Variants in SLC6A3 observed in about 807,000 individuals in gnomAD.
SLC6A3 encodes solute carrier family 6 member 3, also known as sodium-dependent dopamine transporter.
In SLC6A3, 19 loss-of-function variants were observed where a neutral mutation model predicts 70.4. The observed-to-expected ratio is 0.27, with a 90% CI of 0.19 to 0.40. SLC6A3 has a LOEUF of 0.40. Ranked by LOEUF, SLC6A3 falls within the 10% of genes least tolerant of loss-of-function variation. The pLI is 1.00. For synonymous variants in SLC6A3, 368 were observed against 356.6 expected (o/e 1.03, Z -0.36); for missense variants, 613 against 838.5 (o/e 0.73, Z 3.32).
Position 1,437,680 on chromosome 5 carries a change from A to T in SLC6A3, c.418+3679T>A, listed in dbSNP as rs916985880. 5.9e-5 allele frequency among the ~76,000 whole-genome samples: 9 copies of T among 152,268 alleles called. No individual in the cohort carries two copies. The South Asian group carries it at 8.3e-4, about 14-fold the overall frequency. On this transcript the variant is annotated intron_variant, in intron 3 of 14. Transcript: ENST00000270349. This position sits in a 1 kb window ranked among gnomAD's most constrained non-coding sequence, Gnocchi z 4.8. ...CCATGAACTCCGCCCTCTGGCTTTC[A>T]AGGGTGGATCTTGGCTCCCAGTTAG...
intron 4 of SLC6A3, among the ~76,000 whole-genome samples, chr5:1,424,126 CA>C (rs1253095337): frequency 6.6e-6 from 1 of 152,238 alleles, no homozygotes; most frequent in Non-Finnish European, 1.5e-5. Flanking sequence ...GCAGAGGCCC[CA>C]GGTTGGCACA....
intron 3 of SLC6A3, among the ~76,000 whole-genome samples, chr5:1,434,148 A>G (rs191016272): frequency 5.1e-4 from 78 of 152,370 alleles, no homozygotes; most frequent in Admixed American, 4.7e-3. Context: ...GAGCCATCCA[A>G]GGTCACACTA....
Position 1,403,071 on chromosome 5 carries a change from T to A in SLC6A3, c.1618A>T (p.Ile540Phe), listed in dbSNP as rs1293913327. ...TAGTGGGGGGGTCTGAAGGTCACAA[T>A]GCTGACCACGACCACGAACTGCAAC... ...CFLLFVVVVS[I>F]VTFRPPHYGA... is the part of the protein sequence containing the mutation. The change falls in exon 13 of 15, where the codon ATT (isoleucine) becomes TTT (phenylalanine). Residue 540 changes from isoleucine (I) to phenylalanine (F), a missense_variant. Physicochemically the swap from Ile to Phe is conservative, Grantham distance 21. Transcript: ENST00000270349. 1 of 1,613,598 alleles carries A rather than the reference T, an allele frequency of 6.2e-7. No individual in the cohort carries two copies. The highest frequency in any genetic ancestry group is 1.7e-5 in the Admixed American group (1 of 59,996).
chr5:1,441,926 C>G (rs1014418720), intron 2 of SLC6A3, among the ~76,000 whole-genome samples: 3 of 152,170 alleles, frequency 2.0e-5, no homozygotes, highest in Non-Finnish European at 4.4e-5. Flanking sequence ...CCGTCCTGTC[C>G]CCAGCTTCTG....
At chr5:1,426,516 T>C (rs1022702871) in intron 4 of SLC6A3, among the ~76,000 whole-genome samples, 2 of 152,274 alleles carry the variant, frequency 1.3e-5, no homozygotes, top group Admixed American at 6.5e-5. Context: ...CACTCCAGCC[T>C]GGACAACAGA....
In SLC6A3 at chr5:1,394,896, G is replaced by A; in HGVS notation, c.1840-138C>T. 2 of 888,372 alleles carry A rather than the reference G, an allele frequency of 2.3e-6. No individual in the cohort carries two copies. The highest frequency in any genetic ancestry group is 2.4e-5 in the East Asian group (1 of 41,288). 55.0% of individuals were successfully genotyped at this position (888,372 alleles called of 1,614,324 possible). ...GCCATGTGCCCTGGGAGAAGGGGAG[G>A]CTCACTGGGGGCCTGGACCAACACA... On this transcript the variant is annotated intron_variant, in intron 14 of 14. Transcript: ENST00000270349. This position sits in a 1 kb window ranked among gnomAD's most constrained non-coding sequence, Gnocchi z 4.7.
At position 1,442,015 on chromosome 5, in the gene SLC6A3, G is replaced by A. The variant is rs1294522027; in HGVS notation, c.287-525C>T. On this transcript the variant is annotated intron_variant, in intron 2 of 14. Transcript: ENST00000270349. This position sits in a 1 kb window ranked among gnomAD's most constrained non-coding sequence, Gnocchi z 5.0. ...GGTGCTGGGAGCCCCTCCAGGGTAAGGCCTAGTTCCTCTGAAACCTGCACC... is the reference window on the plus strand; with the variant it reads ...GGTGCTGGGAGCCCCTCCAGGGTAAAGCCTAGTTCCTCTGAAACCTGCACC... Among the ~76,000 whole-genome samples the A allele has an allele frequency of 6.6e-6, 1 of 152,132 alleles. No homozygotes were observed. Among genetic ancestry groups the A allele is most frequent in the Non-Finnish European group, 1.5e-5 (1 of 68,008 alleles).
rs1207725844 is a variant in SLC6A3, at chr5:1,421,666, C to T, written c.792+210G>A. Among the ~76,000 whole-genome samples, 3 of 151,988 alleles carry T rather than the reference C, an allele frequency of 2.0e-5. No individual in the cohort carries two copies. Among genetic ancestry groups the T allele is most frequent in the Non-Finnish European group, 4.4e-5 (3 of 67,992 alleles). On this transcript the variant is annotated intron_variant, in intron 5 of 14. Transcript: ENST00000270349. This position sits in a 1 kb window ranked among gnomAD's most constrained non-coding sequence, Gnocchi z 7.2. Reference sequence around the variant, plus strand: ...GCACAGCCACAGGTGTACCCTCAATCATGGCCACGTGTACACTCCCAACCT... The same window carrying T: ...GCACAGCCACAGGTGTACCCTCAATTATGGCCACGTGTACACTCCCAACCT...
rs1251831930 is a variant in SLC6A3, at chr5:1,402,222, G to T, written c.1767+700C>A. Among the ~76,000 whole-genome samples, 1 of 151,860 alleles carries T rather than the reference G, an allele frequency of 6.6e-6. No homozygotes were observed. Among genetic ancestry groups the T allele is most frequent in the Admixed American group, 6.6e-5 (1 of 15,264 alleles). ...CCCAGTGGTGGGATCTCAGGTGAGG[G>T]CGACCCTCTTCCAAGGAGGGAGTGT... On this transcript the variant is annotated intron_variant, in intron 13 of 14. Transcript: ENST00000270349. This position sits in a 1 kb window ranked among gnomAD's most constrained non-coding sequence, Gnocchi z 8.5.
At position 1,411,769 on chromosome 5, in the gene SLC6A3, C is replaced by T. The variant is rs1428754903; in HGVS notation, c.1157-414G>A. 1.4e-5 allele frequency among the ~76,000 whole-genome samples: 2 copies of T among 148,066 alleles called. No individual in the cohort carries two copies. The highest frequency in any genetic ancestry group is 3.0e-5 in the Non-Finnish European group (2 of 67,348). On this transcript the variant is annotated intron_variant, in intron 8 of 14. Transcript: ENST00000270349. The surrounding 1 kb of genome is among the most constrained non-coding windows in gnomAD (Gnocchi z 6.5). ...ATACCATGCAACATACACACTCAGA[C>T]ACACATACCATGCAACATACACACT...
chr5:1,410,509 A>G (rs1311409578), intron 9 of SLC6A3, among the ~76,000 whole-genome samples: 1 of 151,912 alleles, frequency 6.6e-6, no homozygotes, highest in Non-Finnish European at 1.5e-5. Context: ...CTGACAGGGA[A>G]GAAGGAGCCT....
chr5:1,393,717 C>T lies in SLC6A3; in HGVS notation c.*1018G>A, dbSNP rs1417750936. ...CACGCTCCTGTGGGGGCCCTGCATG[C>T]GTCCGGTCCGGGGATAGGACACGCT... On this transcript the variant is annotated 3_prime_UTR_variant, in exon 15 of 15. Coordinates refer to ENST00000270349, the MANE Select transcript of SLC6A3 (RefSeq NM_001044.5). 1.6e-5 allele frequency: 2 copies of T among 126,962 alleles called. No individual in the cohort carries two copies. Among genetic ancestry groups the T allele is most frequent in the East Asian group, 2.4e-4 (1 of 4,246 alleles). The allele number at this position is 126,962 out of a possible 1,614,324, so 7.9% of individuals were successfully genotyped here. A position where few individuals can be genotyped will look rare whatever the true frequency, so the allele number is the denominator to read the frequency against.
intron 6 of SLC6A3, among the ~76,000 whole-genome samples, chr5:1,418,726 T>C (rs372340545): frequency 6.6e-6 from 1 of 150,612 alleles, no homozygotes; most frequent in East Asian, 2.0e-4. Context: ...CATCCATCCA[T>C]CCACCCACCC....
At chr5:1,444,361 G>A (rs941542765) in intron 1 of SLC6A3, among the ~76,000 whole-genome samples, 3 of 151,138 alleles carry the variant, frequency 2.0e-5, no homozygotes, top group African/African-American at 7.4e-5. Context: ...CGCACACACA[G>A]ACACACAGAC....
Position 1,438,005 on chromosome 5 carries a change from A to T in SLC6A3, c.418+3354T>A, listed in dbSNP as rs1481109554. Among the ~76,000 whole-genome samples, 6 of 152,228 alleles carry T rather than the reference A, an allele frequency of 3.9e-5. No individual in the cohort carries two copies. The highest frequency in any genetic ancestry group is 8.8e-5 in the Non-Finnish European group (6 of 68,042). On this transcript the variant is annotated intron_variant, in intron 3 of 14. Transcript: ENST00000270349. This position sits in a 1 kb window ranked among gnomAD's most constrained non-coding sequence, Gnocchi z 6.5. ...TACATCTGATTTCATAAGCAATGTC[A>T]GTCTCCTCTAAACTGGCATCCTGCG...
In SLC6A3 at chr5:1,443,020, G is replaced by C; in HGVS notation, c.178C>G (p.Arg60Gly). Reference protein sequence around the residue: ...PRQSPVEAQDRETWGKKIDFL... With the variant: ...PRQSPVEAQDGETWGKKIDFL... ...TCGATCTTCTTGCCCCAGGTCTCCC[G>C]ATCCTGGGCCTCCACGGGGCTCTGC... is the stretch of plus-strand genomic sequence containing the variant. The change falls in exon 2 of 15, where the codon CGG (arginine) becomes GGG (glycine). Residue 60 changes from arginine (R) to glycine (G), a missense_variant. Arg to Gly is a moderately radical substitution (Grantham distance 125, BLOSUM62 -2). Coordinates refer to ENST00000270349, the MANE Select transcript of SLC6A3 (RefSeq NM_001044.5). 1 of 1,614,212 alleles carries C rather than the reference G, an allele frequency of 6.2e-7. No individual in the cohort carries two copies. The highest frequency in any genetic ancestry group is 8.5e-7 in the Non-Finnish European group (1 of 1,180,042).
chr5:1,414,421 CGGAG>C (rs1560912848), intron 8 of SLC6A3, among the ~76,000 whole-genome samples: 3 of 73,070 alleles, frequency 4.1e-5, no homozygotes, highest in Admixed American at 1.7e-4. Flanking sequence ...AGGGGCAGGG[CGGAG>C]AAGGCACTGG....
rs1166697148 is a variant in SLC6A3 at position 1,405,625 on chromosome 5, C to T, written c.1599+563G>A. ...GCAATCCCTAATGAAAGTGTGCGGC[C>T]ACCTTCCAACAAAACTCTATTTACA... On this transcript the variant is annotated intron_variant, in intron 12 of 14. Transcript: ENST00000270349. The surrounding 1 kb of genome is among the most constrained non-coding windows in gnomAD (Gnocchi z 5.3). 6.6e-6 allele frequency among the ~76,000 whole-genome samples: 1 copy of T among 152,246 alleles called. No homozygotes were observed. Among genetic ancestry groups the T allele is most frequent in the Admixed American group, 6.5e-5 (1 of 15,286 alleles).
rs568187297 is a variant in SLC6A3 at position 1,438,255 on chromosome 5, G to A, written c.418+3104C>T. Reference sequence around the variant, plus strand: ...AGCTCTTCCAAAGATCCGCCCGCAGGGCCACGAGCCTTCCTTCCTGCGGCC... The same window carrying A: ...AGCTCTTCCAAAGATCCGCCCGCAGAGCCACGAGCCTTCCTTCCTGCGGCC... On this transcript the variant is annotated intron_variant, in intron 3 of 14. Transcript: ENST00000270349. This position sits in a 1 kb window ranked among gnomAD's most constrained non-coding sequence, Gnocchi z 6.5. Among the ~76,000 whole-genome samples, 1 of 152,322 alleles carries A rather than the reference G, an allele frequency of 6.6e-6. No homozygotes were observed. Among genetic ancestry groups the A allele is most frequent in the African/African-American group, 2.4e-5 (1 of 41,578 alleles).
Sources: gnomAD v4.1 joint callset for allele counts (sites outside exome capture counted in the v4.1 genomes callset) on GRCh38, gnomAD v4.1.1 for gene constraint, Gnocchi (gnomAD v3.1) non-coding constraint, MANE v1.5 for transcripts, NCBI Gene and HGNC (gene_info 2026-07-23, HGNC 2026-07-21) for gene names.